Variants in TTPA observed in about 807,000 individuals in gnomAD.
TTPA encodes the protein alpha tocopherol transfer protein.
TTPA carries 23 observed loss-of-function variants against 25.9 expected under a neutral mutation model. The ratio of observed to expected loss-of-function variants is 0.89; its 90% CI spans 0.64 to 1.26. The LOEUF (loss-of-function observed/expected upper bound fraction) is 1.26. Ranked by LOEUF, TTPA falls within the 50% of genes most tolerant of loss-of-function variation. The probability of loss-of-function intolerance (pLI) is 0.00; values close to 1 mark genes in which losing one functional copy is unlikely to be tolerated. For missense variants in TTPA, 337 were observed against 353.1 expected (o/e 0.95, Z 0.37); for synonymous variants, 148 against 137.3 (o/e 1.08, Z -0.54).
In TTPA at chr8:63,060,577, G is replaced by T. The variant is rs1805288589; in HGVS notation, c.*675C>A. 6.6e-6 allele frequency: 1 copy of T among 152,054 alleles called. No individual in the cohort carries two copies. The highest frequency in any genetic ancestry group is 2.4e-5 in the African/African-American group (1 of 41,366). The allele number at this position is 152,054 out of a possible 1,614,324, so 9.4% of individuals were successfully genotyped here. The stretch of plus-strand genomic sequence containing the variant: ...TATATAAAATACAAAACTTAGCCAG[G>T]AGTGGTGGTGTGCACATGTAATCCT... On this transcript the variant is annotated 3_prime_UTR_variant, in exon 5 of 5. Coordinates refer to ENST00000260116, the MANE Select transcript of TTPA (RefSeq NM_000370.3).
chr8:63,075,772 C>A (rs1294576342), intron 1 of TTPA, among the ~76,000 whole-genome samples: 1 of 148,940 alleles, frequency 6.7e-6, no homozygotes, highest in Non-Finnish European at 1.5e-5. Flanking sequence ...CAATAACTAT[C>A]AGGAGCAGAG....
At chr8:63,069,383 C>T (rs1805447172) in intron 2 of TTPA, among the ~76,000 whole-genome samples, 1 of 151,654 alleles carries the variant, frequency 6.6e-6, no homozygotes, top group Non-Finnish European at 1.5e-5. Context: ...GTTTGGCCTA[C>T]ACTGGCTAAT....
At chr8:63,078,619 G>A (rs937376319) in intron 1 of TTPA, among the ~76,000 whole-genome samples, 4 of 152,110 alleles carry the variant, frequency 2.6e-5, no homozygotes, top group Non-Finnish European at 4.4e-5. Context: ...AAAATAAAGC[G>A]AGAAGACAAG....
At position 63,073,066 on chromosome 8, in the gene TTPA, C is replaced by T. The variant is rs1245967457; in HGVS notation, c.227G>A (p.Trp76Ter). ...AWRLLKNYYK[W>*]RAECPEISAD... is the part of the protein sequence containing the mutation. ...ACTTATTTCTGGACATTCTGCTCTC[C>T]ACTTATAATAGTTTTTTAGTAACTG... Residue 76 changes from tryptophan (W) to a stop codon, truncating the protein, a stop_gained, in exon 2 of 5, where the codon TGG becomes TAG. Transcript: ENST00000260116. LOFTEE classifies it high-confidence loss of function. 2 of 1,611,182 alleles carry T rather than the reference C, an allele frequency of 1.2e-6. No homozygotes were observed. Among genetic ancestry groups the T allele is most frequent in the Non-Finnish European group, 1.7e-6 (2 of 1,178,124 alleles).
Position 63,072,953 on chromosome 8 carries a change from C to A in TTPA, c.340G>T (p.Val114Phe). ...GACTTACCGATTCTGTAAATAAGAA[C>A]TTTGCTGCCAGTGGGATCCCTGGAT... ...LRSRDPTGSK[V>F]LIYRIAHWDP... Residue 114 changes from valine (V) to phenylalanine (F), a missense_variant, in exon 2 of 5, where the codon GTT becomes TTT. By Grantham distance (50) the Val-to-Phe change is conservative. Transcript: ENST00000260116. The A allele has an allele frequency of 6.2e-7, 1 of 1,614,002 alleles. No individual in the cohort carries two copies. Among genetic ancestry groups the A allele is most frequent in the Non-Finnish European group, 8.5e-7 (1 of 1,180,002 alleles).
At chr8:63,065,564 T>C (rs780460659) in intron 3 of TTPA, among the ~76,000 whole-genome samples, 16 of 152,182 alleles carry the variant, frequency 1.1e-4, no homozygotes, top group African/African-American at 1.7e-4. Flanking sequence ...CCAAGACTTA[T>C]GTGACATTTT....
rs557316937 is a variant in TTPA, at chr8:63,085,830, G to A, written c.192C>T (p.Asp64=). 66 of 1,536,610 alleles carry A rather than the reference G, an allele frequency of 4.3e-5. No individual in the cohort carries two copies. The highest frequency in any genetic ancestry group is 1.8e-4 in the South Asian group (15 of 83,650). ...RFLRARDFDL[D]LAWRLLKNYY... is the part of the protein sequence containing the mutation. ...CACGCACGCTTACCCGCCAGGCCAGGTCCAGATCGAAATCCCGGGCGCGCA... is the reference window on the plus strand; with the variant it reads ...CACGCACGCTTACCCGCCAGGCCAGATCCAGATCGAAATCCCGGGCGCGCA... The change falls in exon 1 of 5, where the codon GAC becomes GAT. Residue 64 remains aspartate, a synonymous_variant. Coordinates refer to ENST00000260116, the MANE Select transcript of TTPA (RefSeq NM_000370.3).
At position 63,072,994 on chromosome 8, in the gene TTPA, T is replaced by G; in HGVS notation, c.299A>C (p.Tyr100Ser). ...RSIIGLLKAG[Y>S]HGVLRSRDPT... is the part of the protein sequence containing the mutation. ...ATCCCTGGATCTCAGGACTCCATGG[T>G]AGCCAGCCTTTAGGAGGCCAATAAT... is the stretch of plus-strand genomic sequence containing the variant. Residue 100 changes from tyrosine (Y) to serine (S), a missense_variant, in exon 2 of 5, where the codon TAC (tyrosine) becomes TCC (serine). Tyr to Ser is a moderately radical substitution (Grantham distance 144). Coordinates refer to ENST00000260116, the MANE Select transcript of TTPA (RefSeq NM_000370.3). 1 of 1,614,108 alleles carries G rather than the reference T, an allele frequency of 6.2e-7. No individual in the cohort carries two copies.
At chr8:63,066,264 G>A (rs1805388670) in intron 2 of TTPA, among the ~76,000 whole-genome samples, 167 bp from the exon 3 acceptor site, 1 of 152,170 alleles carries the variant, frequency 6.6e-6, no homozygotes, top group South Asian at 2.1e-4. Context: ...ACATGTGCCT[G>A]CTTCTCCCTT....
At position 63,072,926 on chromosome 8, in the gene TTPA, A is replaced by T; in HGVS notation, c.358+9T>A. On this transcript the variant is annotated intron_variant, in intron 2 of 4. Transcript: ENST00000260116. ...GAGGAGAAAAAAAAAAGAGTTGTGTATGACTTACCGATTCTGTAAATAAGA... is the reference window on the plus strand; with the variant it reads ...GAGGAGAAAAAAAAAAGAGTTGTGTTTGACTTACCGATTCTGTAAATAAGA... 6.2e-7 allele frequency: 1 copy of T among 1,614,036 alleles called. No homozygotes were observed. Among genetic ancestry groups the T allele is most frequent in the East Asian group, 2.2e-5 (1 of 44,864 alleles).
At chr8:63,079,254 C>T (rs188161175) in intron 1 of TTPA, among the ~76,000 whole-genome samples, 13 of 152,284 alleles carry the variant, frequency 8.5e-5, no homozygotes, top group African/African-American at 3.1e-4. Flanking sequence ...ACCATCAATG[C>T]TATGAAGCAA....
At chr8:63,070,408 C>T (rs191614956) in intron 2 of TTPA, among the ~76,000 whole-genome samples, 2 of 152,196 alleles carry the variant, frequency 1.3e-5, no homozygotes, top group Admixed American at 6.5e-5. Flanking sequence ...AAAGTTCTAC[C>T]GAAAAGTTCC....
intron 2 of TTPA, among the ~76,000 whole-genome samples, chr8:63,066,793 A>T (rs1805397587): frequency 6.6e-6 from 1 of 152,236 alleles, no homozygotes; most frequent in African/African-American, 2.4e-5. Flanking sequence ...TTTAAAAGAC[A>T]TCTATTCCTT....
intron 1 of TTPA, among the ~76,000 whole-genome samples, chr8:63,073,896 C>G (rs1261658290): frequency 5.3e-5 from 8 of 152,130 alleles, no homozygotes; most frequent in Non-Finnish European, 1.5e-5. Flanking sequence ...CATTTTCTTT[C>G]TTTCCAAAAG....
intron 4 of TTPA, among the ~76,000 whole-genome samples, chr8:63,062,785 T>A (rs10087307): frequency 0.29 from 44,604 of 152,044 alleles, 6,696 homozygotes; most frequent in South Asian, 0.39. Flanking sequence ...CTTGTTTTTG[T>A]TTTTATCTAA....
intron 1 of TTPA, among the ~76,000 whole-genome samples, chr8:63,083,139 A>G (rs2129788920): frequency 6.6e-6 from 1 of 152,358 alleles, no homozygotes; most frequent in Admixed American, 6.5e-5. Context: ...ATTACTGGGT[A>G]TATACCCAAA....
chr8:63,065,822 T>C, intron 3 of TTPA, 82 bp downstream of exon 3: 1 of 1,416,962 alleles, frequency 7.1e-7, no homozygotes, highest in Non-Finnish European at 9.8e-7. Flanking sequence ...AATGTACTTT[T>C]GCTTCTCTTT....
At chr8:63,075,833 A>G (rs1408451828) in intron 1 of TTPA, among the ~76,000 whole-genome samples, 2 of 152,150 alleles carry the variant, frequency 1.3e-5, no homozygotes, top group African/African-American at 4.8e-5. Flanking sequence ...AAGAAGCTGC[A>G]TTTAGAGAGA....
chr8:63,084,348 A>G (rs766759997), intron 1 of TTPA, among the ~76,000 whole-genome samples: 6 of 152,232 alleles, frequency 3.9e-5, no homozygotes, highest in East Asian at 1.9e-4. Context: ...CCAGTCAGTG[A>G]TGGAAGAAAC....
Sources: gnomAD v4.1 joint callset for allele counts (sites outside exome capture counted in the v4.1 genomes callset) on GRCh38, gnomAD v4.1.1 for gene constraint, MANE v1.5 for transcripts, NCBI Gene and HGNC (gene_info 2026-07-23, HGNC 2026-07-21) for gene names.